Variants in SLC5A8 observed in about 807,000 individuals in gnomAD.
SLC5A8 encodes the protein sodium-coupled monocarboxylate transporter 1.
Under a neutral mutation model 71.9 loss-of-function variants are expected in SLC5A8, and 55 were observed. The ratio of observed to expected loss-of-function variants is 0.77; its 90% CI spans 0.62 to 0.96. The LOEUF (loss-of-function observed/expected upper bound fraction) is 0.96. Among genes scored for constraint, SLC5A8 ranks in the 40% least tolerant of loss-of-function variants. The pLI is 0.00. For missense variants in SLC5A8, 701 were observed against 745.3 expected, an observed-to-expected ratio of 0.94 and a Z score of 0.69; for synonymous variants, 307 against 276.1, an observed-to-expected ratio of 1.11 and a Z score of -1.11.
Position 101,204,578 on chromosome 12 carries a change from A to G in SLC5A8, c.352-13T>C. On this transcript the variant is annotated splice_polypyrimidine_tract_variant and intron_variant, in intron 1 of 14. Coordinates refer to ENST00000536262, the MANE Select transcript of SLC5A8 (RefSeq NM_145913.5). ...GAAGTTCTAAATACTGTTGCAAAAA[A>G]AAAAATTATGCGAATCCTCTGGATG... 1 of 1,570,138 alleles carries G rather than the reference A, an allele frequency of 6.4e-7. No individual in the cohort carries two copies. Among genetic ancestry groups the G allele is most frequent in the Non-Finnish European group, 8.6e-7 (1 of 1,160,886 alleles).
chr12:101,195,654 C>T (rs1017810963), intron 3 of SLC5A8, among the ~76,000 whole-genome samples: 3 of 148,376 alleles, frequency 2.0e-5, no homozygotes, highest in African/African-American at 5.0e-5. Context: ...TTGCAGATTG[C>T]GGATCTGATT....
intron 13 of SLC5A8, among the ~76,000 whole-genome samples, chr12:101,161,119 A>G (rs950478924): frequency 6.6e-6 from 1 of 152,178 alleles, no homozygotes; most frequent in Non-Finnish European, 1.5e-5. Context: ...TCTCAGAAAA[A>G]AGAAAAGTTC....
intron 9 of SLC5A8, among the ~76,000 whole-genome samples, chr12:101,182,087 G>A (rs1056373787): frequency 6.6e-6 from 1 of 152,262 alleles, no homozygotes; most frequent in Admixed American, 6.5e-5. Context: ...TGAGACATCT[G>A]GGAACTGAAG....
chr12:101,201,811 A>G lies in SLC5A8; in HGVS notation c.469+353T>C, dbSNP rs1869465202. On this transcript the variant is annotated intron_variant, in intron 3 of 14. Transcript: ENST00000536262. The stretch of plus-strand genomic sequence containing the variant: ...ACAGGCCTGAGCAGAATTACAGGGA[A>G]GCTTCCTGGAGATGGGCTCCAGGTT... 1.3e-5 allele frequency among the ~76,000 whole-genome samples: 2 copies of G among 152,148 alleles called. 1 individual carries two copies. Among genetic ancestry groups the G allele is most frequent in the South Asian group, 4.1e-4 (2 of 4,824 alleles).
At chr12:101,198,005 G>A (rs541016848) in intron 3 of SLC5A8, among the ~76,000 whole-genome samples, 225 of 151,842 alleles carry the variant, frequency 1.5e-3, no homozygotes, top group African/African-American at 5.2e-3. Flanking sequence ...TATTAATTTA[G>A]GAATAAATAA....
At chr12:101,192,576 C>T (rs188140067) in intron 5 of SLC5A8, among the ~76,000 whole-genome samples, 2 of 152,304 alleles carry the variant, frequency 1.3e-5, no homozygotes, top group East Asian at 1.9e-4. Flanking sequence ...GTGTGATATA[C>T]TTGGGATGAA....
chr12:101,209,582 G>A lies in SLC5A8; in HGVS notation c.267C>T (p.Ala89=), dbSNP rs1422167246. ...TGACCACCACAAAGAAGTAGGTGAA[G>A]GCAAAGATGCTAAAAATGGCCCCAA... ...YRFGAIFSIF[A]FTYFFVVVIS... Residue 89 remains alanine, a synonymous_variant, in exon 1 of 15, where the codon GCC becomes GCT. Transcript: ENST00000536262. The A allele has an allele frequency of 6.2e-7, 1 of 1,614,110 alleles. No individual in the cohort carries two copies. The highest frequency in any genetic ancestry group is 8.5e-7 in the Non-Finnish European group (1 of 1,180,026).
intron 10 of SLC5A8, among the ~76,000 whole-genome samples, chr12:101,174,751 C>G (rs2051863546): frequency 6.6e-6 from 1 of 152,162 alleles, no homozygotes; most frequent in Admixed American, 6.5e-5. Flanking sequence ...CACCCCTATC[C>G]AGCATAACAA....
At position 101,166,621 on chromosome 12, in the gene SLC5A8, G is replaced by A; in HGVS notation, c.1399C>T (p.Pro467Ser). 1.2e-6 allele frequency: 2 copies of A among 1,613,880 alleles called. No homozygotes were observed. The highest frequency in any genetic ancestry group is 1.7e-6 in the Non-Finnish European group (2 of 1,179,920). ...GIGAQIYPPL[P>S]ERTLPLHLDI... Reference sequence around the variant, plus strand: ...AGGTGCAATGGCAATGTTCTCTCAGGAAGTGGAGGATATATTTGAGCTCCA... The same window carrying A: ...AGGTGCAATGGCAATGTTCTCTCAGAAAGTGGAGGATATATTTGAGCTCCA... Residue 467 changes from proline to serine, a missense_variant, in exon 12 of 15, where the codon CCT (proline) becomes TCT (serine). Physicochemically the swap from Pro to Ser is moderately conservative, Grantham distance 74. Transcript: ENST00000536262.
At chr12:101,197,943 A>C (rs1869261435) in intron 3 of SLC5A8, among the ~76,000 whole-genome samples, 2 of 152,050 alleles carry the variant, frequency 1.3e-5, no homozygotes, top group South Asian at 4.1e-4. Context: ...CCATAAAACA[A>C]ATCCATAAAT....
intron 5 of SLC5A8, 118 bp downstream of exon 5, chr12:101,193,507 A>T: frequency 8.2e-7 from 1 of 1,222,678 alleles, no homozygotes; most frequent in Non-Finnish European, 1.1e-6. Context: ...AATTTGCTCT[A>T]CCACATCCTT....
intron 1 of SLC5A8, among the ~76,000 whole-genome samples, chr12:101,204,887 C>T (rs2137171638): frequency 6.6e-6 from 1 of 152,276 alleles, no homozygotes; most frequent in East Asian, 1.9e-4. Context: ...CCCTAGCAAT[C>T]ACTGATCTGC....
At chr12:101,184,647 C>T (rs573501303) in intron 7 of SLC5A8, among the ~76,000 whole-genome samples, 1 of 152,304 alleles carries the variant, frequency 6.6e-6, no homozygotes, top group Admixed American at 6.5e-5. Flanking sequence ...ATATTTGACA[C>T]ACCTCTGTGC....
At chr12:101,196,560 A>G (rs1869186917) in intron 3 of SLC5A8, among the ~76,000 whole-genome samples, 1 of 152,112 alleles carries the variant, frequency 6.6e-6, no homozygotes, top group Admixed American at 6.5e-5. Context: ...ATTAGAAAAA[A>G]AAACTCCTCA....
In SLC5A8 at chr12:101,158,297, G is replaced by T; in HGVS notation, c.1662C>A (p.Tyr554Ter). 1 of 1,587,102 alleles carries T rather than the reference G, an allele frequency of 6.3e-7. No individual in the cohort carries two copies. Among genetic ancestry groups the T allele is most frequent in the Non-Finnish European group, 8.6e-7 (1 of 1,162,842 alleles). The change falls in exon 14 of 15, where the codon TAC becomes TAA. Residue 554 changes from tyrosine to a stop codon, truncating the protein, a stop_gained. Transcript: ENST00000536262. LOFTEE classifies it high-confidence loss of function. The stretch of plus-strand genomic sequence containing the variant: ...ATAAAAAGTCCTCTTTGGTTAGTAT[G>T]TATCTGGGGTCTAAGTTCTGTTTTC... ...GGRKQNLDPR[Y>*]ILTKEDFLSN...
chr12:101,168,322 C>A, intron 10 of SLC5A8, 140 bp from the exon 11 acceptor site: 1 of 782,050 alleles, frequency 1.3e-6, no homozygotes, highest in Non-Finnish European at 2.0e-6. Context: ...AGCCTTATCA[C>A]TGGAAAAGAA....
rs1318339781 is a variant in SLC5A8 at position 101,158,298 on chromosome 12, T to C, written c.1661A>G (p.Tyr554Cys). ...GGRKQNLDPR[Y>C]ILTKEDFLSN... ...TAAAAAGTCCTCTTTGGTTAGTATG[T>C]ATCTGGGGTCTAAGTTCTGTTTTCT... is the stretch of plus-strand genomic sequence containing the variant. The change falls in exon 14 of 15, where the codon TAC becomes TGC. Residue 554 changes from tyrosine (Y) to cysteine (C), a missense_variant. Transcript: ENST00000536262. 6.3e-7 allele frequency: 1 copy of C among 1,588,334 alleles called. No homozygotes were observed. Among genetic ancestry groups the C allele is most frequent in the East Asian group, 2.3e-5 (1 of 44,410 alleles).
chr12:101,200,031 A>AAAAAAAAAAAAAAAAAAAAAAAAG (rs1869377788), intron 3 of SLC5A8, among the ~76,000 whole-genome samples: 1 of 99,720 alleles, frequency 1.0e-5, no homozygotes, highest in Non-Finnish European at 1.9e-5. Flanking sequence ...AAAAAAAAAA[A>AAAAAAAAAAAAAAAAAAAAAAAAG]AAAAAAAAAA....
chr12:101,197,923 TG>T (rs1869260275), intron 3 of SLC5A8, among the ~76,000 whole-genome samples: 1 of 152,024 alleles, frequency 6.6e-6, no homozygotes, highest in Non-Finnish European at 1.5e-5. Flanking sequence ...AAGACAGACC[TG>T]ATCCTGGGCC....
Sources: gnomAD v4.1 joint callset for allele counts (sites outside exome capture counted in the v4.1 genomes callset) on GRCh38, gnomAD v4.1.1 for gene constraint, MANE v1.5 for transcripts, NCBI Gene and HGNC (gene_info 2026-07-23, HGNC 2026-07-21) for gene names.